The following VTI1A variants were observed in gnomAD, a reference collection of about 807,000 sequenced individuals.
The protein encoded by VTI1A is vesicle transport through interaction with t-SNAREs homolog 1A.
In VTI1A, 22 loss-of-function variants were observed where a neutral mutation model predicts 34.9. That is an observed-to-expected ratio of 0.63 (90% CI 0.45 to 0.90). The LOEUF (loss-of-function observed/expected upper bound fraction) is 0.90. Ranked by LOEUF, VTI1A falls within the 40% of genes least tolerant of loss-of-function variation. The probability of loss-of-function intolerance (pLI) is 0.00; values close to 1 mark genes in which losing one functional copy is unlikely to be tolerated. For missense variants in VTI1A, 268 were observed against 275.6 expected, an observed-to-expected ratio of 0.97 and a Z score of 0.20; for synonymous variants, 87 against 97.3, an observed-to-expected ratio of 0.89 and a Z score of 0.62.
intron 7 of VTI1A, among the ~76,000 whole-genome samples, chr10:112,706,320 G>A (rs113352090): frequency 0.012 from 1,817 of 152,252 alleles, 42 homozygotes; most frequent in African/African-American, 0.042. Context: ...GAGTGGACAC[G>A]TTTAATTACT....
chr10:112,733,203 G>GATTTTTT (rs988680409), intron 7 of VTI1A, among the ~76,000 whole-genome samples: 2 of 152,014 alleles, frequency 1.3e-5, no homozygotes, highest in East Asian at 3.9e-4. Context: ...TTTTTGGTTT[G>GATTTTTT]ATTTTTTATT....
chr10:112,545,932 T>C (rs1217128395), intron 5 of VTI1A, among the ~76,000 whole-genome samples: 5 of 151,936 alleles, frequency 3.3e-5, no homozygotes, highest in Non-Finnish European at 4.4e-5. Flanking sequence ...CATGTGTTTG[T>C]GTATTTTGCA....
At chr10:112,599,339 A>G (rs1285632141) in intron 5 of VTI1A, among the ~76,000 whole-genome samples, 2 of 152,232 alleles carry the variant, frequency 1.3e-5, no homozygotes, top group Non-Finnish European at 2.9e-5. Context: ...GATATGGTGC[A>G]GGCCAATTGG....
intron 5 of VTI1A, among the ~76,000 whole-genome samples, chr10:112,584,253 A>G (rs1844065702): frequency 6.6e-6 from 1 of 152,200 alleles, no homozygotes; most frequent in African/African-American, 2.4e-5. Context: ...CCTGCAAGTC[A>G]TTGTAATTAA....
chr10:112,639,717 G>A (rs1846495957), intron 5 of VTI1A, among the ~76,000 whole-genome samples: 1 of 152,160 alleles, frequency 6.6e-6, no homozygotes. Context: ...GGTATATACA[G>A]AATATGGAAA....
chr10:112,838,627 T>G, the VTI1A span, among the ~76,000 whole-genome samples: 988 of 152,184 alleles, frequency 6.5e-3, 10 homozygotes, highest in African/African-American at 0.023. Context: ...TTCACTGCCC[T>G]TGCCTGTGGG....
Position 112,535,230 on chromosome 10 carries a change from CAACT to C in VTI1A, c.343-3012_343-3009del, listed in dbSNP as rs542871755. ...TTATAATTGGAAAAATTAGATTAAT[CAACT>C]AACAGAATAATATACTCTGAAATAT... On this transcript the variant is annotated intron_variant, in intron 4 of 7. Transcript: ENST00000393077. Among the ~76,000 whole-genome samples the C allele has an allele frequency of 1.6e-4, 25 of 152,234 alleles. No individual in the cohort carries two copies. The East Asian group carries it at 4.8e-3, about 29-fold the overall frequency.
chr10:112,690,608 A>G (rs1848580326), intron 7 of VTI1A, among the ~76,000 whole-genome samples: 1 of 152,158 alleles, frequency 6.6e-6, no homozygotes, highest in Non-Finnish European at 1.5e-5. Context: ...GTCTATGGAG[A>G]TTCTCGGTTG....
At chr10:112,570,735 A>G (rs1242697032) in intron 5 of VTI1A, among the ~76,000 whole-genome samples, 1 of 152,266 alleles carries the variant, frequency 6.6e-6, no homozygotes, top group Non-Finnish European at 1.5e-5. Flanking sequence ...TTCTGGAGCC[A>G]GTAGAGGAAT....
At chr10:112,819,982 C>T (rs1853622304), downstream of VTI1A, among the ~76,000 whole-genome samples, 1 of 152,200 alleles carries the variant, frequency 6.6e-6, no homozygotes, top group Non-Finnish European at 1.5e-5. Context: ...AGAGATGGTG[C>T]ACGTTCCTTG....
At chr10:112,664,357 C>A (rs904273486) in intron 5 of VTI1A, among the ~76,000 whole-genome samples, 6 of 152,014 alleles carry the variant, frequency 3.9e-5, no homozygotes, top group Admixed American at 3.3e-4. Context: ...ATATTTTGAT[C>A]TGCTCACCTC....
At chr10:112,585,663 CTTTTTT>C (rs61436886) in intron 5 of VTI1A, among the ~76,000 whole-genome samples, 2 of 117,298 alleles carry the variant, frequency 1.7e-5, no homozygotes, top group Admixed American at 1.8e-4. Flanking sequence ...TTGTGGATTT[CTTTTTT>C]TTTTTTTTTT....
chr10:112,710,425 T>C (rs1254773921), intron 7 of VTI1A, among the ~76,000 whole-genome samples: 1 of 152,132 alleles, frequency 6.6e-6, no homozygotes, highest in Non-Finnish European at 1.5e-5. Context: ...CAGGCTGGTC[T>C]CAAACTCCTA....
intron 5 of VTI1A, among the ~76,000 whole-genome samples, chr10:112,546,026 A>C (rs535364239): frequency 3.6e-5 from 5 of 138,912 alleles, no homozygotes; most frequent in African/African-American, 1.5e-4. Flanking sequence ...ATATACGTGT[A>C]TACGCGTATG....
chr10:112,544,128 G>T (rs1850980558), intron 5 of VTI1A, among the ~76,000 whole-genome samples: 1 of 152,186 alleles, frequency 6.6e-6, no homozygotes, highest in South Asian at 2.1e-4. Context: ...CTCGTGCTTT[G>T]TTCTTTTTGC....
At chr10:112,770,628 G>C (rs142813501) in intron 7 of VTI1A, among the ~76,000 whole-genome samples, 1 of 151,268 alleles carries the variant, frequency 6.6e-6, no homozygotes, top group African/African-American at 2.4e-5. Context: ...GGAAGGTCTC[G>C]ATCTCCTGAC....
intron 5 of VTI1A, among the ~76,000 whole-genome samples, chr10:112,544,343 C>T (rs1166959901): frequency 6.6e-6 from 1 of 152,146 alleles, no homozygotes; most frequent in East Asian, 1.9e-4. Flanking sequence ...GATTCTCCTA[C>T]CTCAGCCTCC....
At chr10:112,494,754 T>A (rs543247264) in intron 3 of VTI1A, among the ~76,000 whole-genome samples, 19 of 152,312 alleles carry the variant, frequency 1.2e-4, no homozygotes, top group Admixed American at 2.6e-4. Flanking sequence ...ACTCAAGTGA[T>A]ACACCTGCCT....
chr10:112,807,037 T>C (rs1044645916), intron 7 of VTI1A, among the ~76,000 whole-genome samples: 1 of 152,212 alleles, frequency 6.6e-6, no homozygotes, highest in African/African-American at 2.4e-5. Flanking sequence ...GATGTAAGAA[T>C]CAAAAGCTTC....
Sources: allele counts gnomAD v4.1 joint callset (sites outside exome capture counted in the v4.1 genomes callset), GRCh38; gene constraint gnomAD v4.1.1; transcripts MANE v1.5; gene names NCBI Gene and HGNC (gene_info 2026-07-23, HGNC 2026-07-21).